Variants in LRRC69 observed in about 807,000 individuals in gnomAD.
LRRC69 encodes leucine rich repeat containing 69.
In LRRC69, 42 loss-of-function variants were observed where a neutral mutation model predicts 37.8. The observed-to-expected ratio is 1.11, with a 90% CI of 0.87 to 1.44. LRRC69 has a LOEUF of 1.44. Ranked by LOEUF, LRRC69 falls within the 40% of genes most tolerant of loss-of-function variation. The pLI is 0.00. For missense variants in LRRC69, 357 were observed against 401.9 expected, an observed-to-expected ratio of 0.89 and a Z score of 0.96; for synonymous variants, 141 against 143.1, an observed-to-expected ratio of 0.99 and a Z score of 0.11.
At chr8:91,112,965 C>A (rs1213431900) in intron 1 of LRRC69, among the ~76,000 whole-genome samples, 1 of 151,824 alleles carries the variant, frequency 6.6e-6, no homozygotes, top group Non-Finnish European at 1.5e-5. Flanking sequence ...AAAAATCAAT[C>A]CATTTACAAT....
intron 5 of LRRC69, among the ~76,000 whole-genome samples, chr8:91,142,817 C>G (rs1808553362): frequency 6.6e-6 from 1 of 151,980 alleles, no homozygotes; most frequent in Non-Finnish European, 1.5e-5. Flanking sequence ...TTCTTTGTCC[C>G]AGGTTGGGGC....
At chr8:91,176,798 A>T (rs112270636) in intron 5 of LRRC69, among the ~76,000 whole-genome samples, 1 of 152,176 alleles carries the variant, frequency 6.6e-6, no homozygotes, top group Non-Finnish European at 1.5e-5. Flanking sequence ...CCCAGTCACA[A>T]TGGGGAGGGC....
chr8:91,218,842 T>C (rs1448787953), intron 7 of LRRC69, 48 bp from the exon 8 acceptor site: 2 of 1,177,984 alleles, frequency 1.7e-6, no homozygotes, highest in Non-Finnish European at 1.2e-6. Flanking sequence ...TAATGAAAAA[T>C]ACTTATTGAA....
At chr8:91,191,042 C>CCG (rs1491546140) in intron 6 of LRRC69, among the ~76,000 whole-genome samples, 1 of 15,550 alleles carries the variant, frequency 6.4e-5, no homozygotes, top group African/African-American at 1.9e-4. Flanking sequence ...CTGTCTCAAA[C>CCG]CCCCCCCCCC....
rs544214640 is a variant in LRRC69 at position 91,147,041 on chromosome 8, CTATT to C, written c.651+11304_651+11307del. On this transcript the variant is annotated intron_variant, in intron 5 of 7. Transcript: ENST00000448384. The stretch of plus-strand genomic sequence containing the variant: ...CTACCAAGTTGATTTAAGGGATTGA[CTATT>C]TCTTTGTGTTCTCCAGGCTTTAATC... Among the ~76,000 whole-genome samples the C allele has an allele frequency of 7.3e-5, 11 of 151,494 alleles. 1 individual carries two copies. In the East Asian group the frequency reaches 2.1e-3, roughly 30 times the overall value.
chr8:91,104,039 T>C (rs1476448925), intron 1 of LRRC69, among the ~76,000 whole-genome samples: 1 of 152,034 alleles, frequency 6.6e-6, no homozygotes, highest in Non-Finnish European at 1.5e-5. Flanking sequence ...TTTTAACTCA[T>C]CTATTTTATT....
chr8:91,164,855 C>G (rs538630039), intron 5 of LRRC69, among the ~76,000 whole-genome samples: 3 of 151,646 alleles, frequency 2.0e-5, no homozygotes, highest in African/African-American at 7.2e-5. Flanking sequence ...ACATATTATG[C>G]CTGATTATCA....
chr8:91,196,416 C>G (rs1192025159), intron 6 of LRRC69, among the ~76,000 whole-genome samples: 1 of 151,838 alleles, frequency 6.6e-6, no homozygotes, highest in Non-Finnish European at 1.5e-5. Flanking sequence ...GGGAAGTTCT[C>G]CTGGATAATA....
At chr8:91,132,950 T>A (rs1275340890) in intron 3 of LRRC69, among the ~76,000 whole-genome samples, 160 bp from the exon 4 acceptor site, 1 of 151,998 alleles carries the variant, frequency 6.6e-6, no homozygotes, top group African/African-American at 2.4e-5. Context: ...AAAAACTTTT[T>A]ATACTCATGA....
At chr8:91,155,365 A>T (rs1056473635) in intron 5 of LRRC69, among the ~76,000 whole-genome samples, 1 of 150,154 alleles carries the variant, frequency 6.7e-6, no homozygotes, top group East Asian at 1.9e-4. Flanking sequence ...ATAATTGTAC[A>T]TATTTGTGGG....
intron 3 of LRRC69, among the ~76,000 whole-genome samples, chr8:91,128,805 GA>G (rs1199335497): frequency 2.0e-5 from 3 of 151,892 alleles, no homozygotes; most frequent in Non-Finnish European, 4.4e-5. Flanking sequence ...AGAGACAAAG[GA>G]ATGACTTCTC....
intron 7 of LRRC69, among the ~76,000 whole-genome samples, chr8:91,214,705 T>C (rs1398120108): frequency 1.3e-5 from 2 of 152,174 alleles, no homozygotes; most frequent in African/African-American, 4.8e-5. Flanking sequence ...GGGCTGCCAT[T>C]GTTATGCTTT....
chr8:91,159,063 A>G (rs1217471565), intron 5 of LRRC69, among the ~76,000 whole-genome samples: 1 of 151,218 alleles, frequency 6.6e-6, no homozygotes, highest in Non-Finnish European at 1.5e-5. Flanking sequence ...ATGACCAGAT[A>G]TTCTCCTGTG....
chr8:91,117,901 T>C (rs1230510715), intron 1 of LRRC69, among the ~76,000 whole-genome samples: 14 of 151,802 alleles, frequency 9.2e-5, no homozygotes, highest in Non-Finnish European at 2.9e-5. Context: ...GTGGTCAGTA[T>C]GGTCAGGGGT....
intron 1 of LRRC69, among the ~76,000 whole-genome samples, chr8:91,121,947 G>A (rs1384903408): frequency 6.6e-6 from 1 of 152,032 alleles, no homozygotes; most frequent in African/African-American, 2.4e-5. Flanking sequence ...CTGCTTTACA[G>A]TCAAGATTGA....
At chr8:91,206,731 A>C (rs1201890005) in intron 7 of LRRC69, 2 of 1,289,632 alleles carry the variant, frequency 1.6e-6, no homozygotes, top group East Asian at 1.1e-4. Context: ...GCCAGAATTT[A>C]TTTGGTACTG....
At chr8:91,145,266 A>G (rs1194526493) in intron 5 of LRRC69, among the ~76,000 whole-genome samples, 1 of 151,960 alleles carries the variant, frequency 6.6e-6, no homozygotes, top group African/African-American at 2.4e-5. Flanking sequence ...GGAAAGGTCC[A>G]TAAAGCTGTG....
chr8:91,141,258 C>A (rs867497897), intron 5 of LRRC69, among the ~76,000 whole-genome samples: 2 of 152,008 alleles, frequency 1.3e-5, no homozygotes, highest in Non-Finnish European at 2.9e-5. Flanking sequence ...AGCAAAATAT[C>A]ACAAACTGGG....
At chr8:91,153,194 C>T (rs1020701470) in intron 5 of LRRC69, among the ~76,000 whole-genome samples, 1 of 151,412 alleles carries the variant, frequency 6.6e-6, no homozygotes, top group African/African-American at 2.4e-5. Flanking sequence ...GCACCCAATA[C>T]AGGAGGACCC....
Sources: allele counts gnomAD v4.1 joint callset (sites outside exome capture counted in the v4.1 genomes callset), GRCh38; gene constraint gnomAD v4.1.1; transcripts MANE v1.5; gene names NCBI Gene and HGNC (gene_info 2026-07-23, HGNC 2026-07-21).